The following CUX2 variants were observed in gnomAD, a reference collection of about 807,000 sequenced individuals.
CUX2 encodes the protein homeobox protein cut-like 2.
Under a neutral mutation model 144.8 loss-of-function variants are expected in CUX2, and 40 were observed. That is an observed-to-expected ratio of 0.28 (90% CI 0.21 to 0.36). CUX2 has a LOEUF of 0.36. CUX2 is among the 10% of genes least tolerant of loss of function. CUX2 has a pLI of 1.00. For missense variants in CUX2, 1,615 were observed against 1,994.0 expected (o/e 0.81, Z 3.62); for synonymous variants, 827 against 875.6 (o/e 0.94, Z 0.98).
At chr12:111,267,596 A>G (rs879421974) in intron 4 of CUX2, among the ~76,000 whole-genome samples, 1 of 152,186 alleles carries the variant, frequency 6.6e-6, no homozygotes, top group Non-Finnish European at 1.5e-5. Flanking sequence ...ATAAATTACC[A>G]TGGATGCCTT....
chr12:111,082,489 C>T (rs548152112), intron 1 of CUX2, among the ~76,000 whole-genome samples: 22 of 152,100 alleles, frequency 1.4e-4, no homozygotes, highest in African/African-American at 4.8e-4. Flanking sequence ...GGCAAGTGTC[C>T]GAAAATGTCT....
rs886519363 is a variant in CUX2 at position 111,057,367 on chromosome 12, G to A, written c.63+23127G>A. On this transcript the variant is annotated intron_variant, in intron 1 of 21. Coordinates refer to ENST00000261726, the MANE Select transcript of CUX2 (RefSeq NM_015267.4). This position sits in a 1 kb window ranked among gnomAD's most constrained non-coding sequence, Gnocchi z 5.1. ...TAGTGGGACAGAGACGGCTATGTGA[G>A]TGGAGTGGAGTGGGTGTGACAGGAA... is the stretch of plus-strand genomic sequence containing the variant. 2.0e-5 allele frequency among the ~76,000 whole-genome samples: 3 copies of A among 151,786 alleles called. No homozygotes were observed. Among genetic ancestry groups the A allele is most frequent in the Non-Finnish European group, 4.4e-5 (3 of 67,924 alleles).
chr12:111,316,811 C>T (rs1197063001), intron 16 of CUX2, among the ~76,000 whole-genome samples: 1 of 152,054 alleles, frequency 6.6e-6, no homozygotes, highest in Non-Finnish European at 1.5e-5. Context: ...GTTATGCAAC[C>T]ATCATCTCTC....
chr12:111,173,252 A>G (rs1376051843), intron 1 of CUX2, among the ~76,000 whole-genome samples: 4 of 152,242 alleles, frequency 2.6e-5, no homozygotes, highest in African/African-American at 4.8e-5. Flanking sequence ...GGTCATTCCC[A>G]TACATTGCTG....
At chr12:111,206,033 A>C (rs373383414) in intron 1 of CUX2, among the ~76,000 whole-genome samples, 1 of 152,252 alleles carries the variant, frequency 6.6e-6, no homozygotes, top group South Asian at 2.1e-4. Flanking sequence ...AGAAAACTCA[A>C]GACAAGAACC....
intron 1 of CUX2, among the ~76,000 whole-genome samples, chr12:111,070,393 TTTCCTTCCTTCCTTCCTTCCTTCCTTCC>T (rs143464416): frequency 9.8e-4 from 97 of 99,482 alleles, no homozygotes; most frequent in South Asian, 3.0e-3. Context: ...TCCTTCCTTC[TTTCCTTCCTTCCTTCCTTCCTTCCTTCC>T]TTCCTTCCTT....
chr12:111,136,326 T>C (rs1466744718), intron 1 of CUX2, among the ~76,000 whole-genome samples: 1 of 151,948 alleles, frequency 6.6e-6, no homozygotes, highest in Non-Finnish European at 1.5e-5. Flanking sequence ...GCCTGAACTA[T>C]GGGAGGATGG....
intron 1 of CUX2, among the ~76,000 whole-genome samples, chr12:111,207,181 T>C (rs779527416): frequency 2.0e-4 from 31 of 152,312 alleles, no homozygotes; most frequent in Admixed American, 3.3e-4. Flanking sequence ...AAGAGGTAGA[T>C]TGAAGCTCTA....
intron 1 of CUX2, among the ~76,000 whole-genome samples, chr12:111,093,922 T>C (rs1377272417): frequency 6.6e-6 from 1 of 152,232 alleles, no homozygotes; most frequent in African/African-American, 2.4e-5. Context: ...AAAAATTTAT[T>C]TACTGTGACT....
chr12:111,329,000 C>A (rs1426601072), intron 18 of CUX2, among the ~76,000 whole-genome samples: 1 of 99,352 alleles, frequency 1.0e-5, no homozygotes, highest in African/African-American at 4.4e-5. Flanking sequence ...TCTCCCTCTC[C>A]CTCTCCTCCC....
chr12:111,334,741 C>T (rs754337407), intron 19 of CUX2, 31 bp downstream of exon 19: 10 of 1,559,344 alleles, frequency 6.4e-6, no homozygotes, highest in Middle Eastern at 2.0e-4. Context: ...GGAGAGGCTG[C>T]CTCCCACCTG....
chr12:111,256,878 T>G (rs1229845879), intron 3 of CUX2, among the ~76,000 whole-genome samples: 1 of 152,104 alleles, frequency 6.6e-6, no homozygotes, highest in Non-Finnish European at 1.5e-5. Flanking sequence ...GCTTAGAACT[T>G]GGCACAGAGT....
chr12:111,254,324 G>A (rs555924308), intron 3 of CUX2, among the ~76,000 whole-genome samples: 1 of 152,180 alleles, frequency 6.6e-6, no homozygotes, highest in East Asian at 1.9e-4. Context: ...TGATTCCCTG[G>A]GCATGCACAT....
In CUX2 at chr12:111,289,240, G is replaced by A. The variant is rs1220372912; in HGVS notation, c.302-2178G>A. 5.3e-5 allele frequency among the ~76,000 whole-genome samples: 8 copies of A among 152,214 alleles called. No homozygotes were observed. Among genetic ancestry groups the A allele is most frequent in the Non-Finnish European group, 1.2e-4 (8 of 68,050 alleles). ...CCCCTTGGTCTATATCCAGGACCCT[G>A]GCTTTCCTGGGTGCCATGGACACCA... On this transcript the variant is annotated intron_variant, in intron 4 of 21. Coordinates refer to ENST00000261726, the MANE Select transcript of CUX2 (RefSeq NM_015267.4). This position sits in a 1 kb window ranked among gnomAD's most constrained non-coding sequence, Gnocchi z 4.1.
At chr12:111,196,722 A>G (rs1489452601) in intron 1 of CUX2, among the ~76,000 whole-genome samples, 1 of 152,186 alleles carries the variant, frequency 6.6e-6, no homozygotes, top group Admixed American at 6.5e-5. Context: ...GCACATGACT[A>G]TGGCTTGTGC....
At chr12:111,155,196 T>C (rs895417266) in intron 1 of CUX2, among the ~76,000 whole-genome samples, 1 of 152,232 alleles carries the variant, frequency 6.6e-6, no homozygotes, top group African/African-American at 2.4e-5. Context: ...TTACTGGCTG[T>C]GTGACCTTGA....
chr12:111,090,849 A>G (rs913364035), intron 1 of CUX2, among the ~76,000 whole-genome samples: 4 of 151,956 alleles, frequency 2.6e-5, no homozygotes, highest in Non-Finnish European at 4.4e-5. Flanking sequence ...AATTGTAAAA[A>G]CCAGTTTGAG....
At chr12:111,134,614 C>G (rs905305280) in intron 1 of CUX2, among the ~76,000 whole-genome samples, 4,924 of 143,774 alleles carry the variant, frequency 0.034, 269 homozygotes, top group African/African-American at 0.14. Flanking sequence ...CTCTCTCTCT[C>G]TCTCTCTGTG....
At chr12:111,325,218 C>T (rs972787321) in intron 18 of CUX2, among the ~76,000 whole-genome samples, 8 of 151,570 alleles carry the variant, frequency 5.3e-5, no homozygotes, top group Non-Finnish European at 8.8e-5. Flanking sequence ...GGTGTGAATC[C>T]GGGAGGCGGA....
Sources: allele counts gnomAD v4.1 joint callset (sites outside exome capture counted in the v4.1 genomes callset), GRCh38; gene constraint gnomAD v4.1.1; non-coding constraint Gnocchi (gnomAD v3.1); transcripts MANE v1.5; gene names NCBI Gene and HGNC (gene_info 2026-07-23, HGNC 2026-07-21).